Variants in ANKHD1 observed in about 807,000 individuals in gnomAD.
ANKHD1 encodes the protein ankyrin repeat and KH domain containing 1.
In ANKHD1, 31 loss-of-function variants were observed where a neutral mutation model predicts 230.5. The ratio of observed to expected loss-of-function variants is 0.13; its 90% CI spans 0.10 to 0.18. The LOEUF (loss-of-function observed/expected upper bound fraction) is 0.18. Ranked by LOEUF, ANKHD1 falls within the 10% of genes least tolerant of loss-of-function variation. ANKHD1 has a pLI of 1.00. For missense variants in ANKHD1, 2,256 were observed against 3,071.3 expected (o/e 0.73, Z 6.27); for synonymous variants, 1,074 against 1,117.6 (o/e 0.96, Z 0.78).
At position 140,403,530 on chromosome 5, in the gene ANKHD1, G is replaced by A. The variant is rs189357026; in HGVS notation, c.306+1257G>A. Among the ~76,000 whole-genome samples the A allele has an allele frequency of 2.4e-3, 372 of 152,122 alleles. 3 individuals carry two copies. Among genetic ancestry groups the A allele is most frequent in the African/African-American group, 8.7e-3 (361 of 41,484 alleles). On this transcript the variant is annotated intron_variant, in intron 1 of 33. Transcript: ENST00000360839. Reference sequence around the variant, plus strand: ...GGGTTCAAGCGATTCCCCTGCCTTAGCCTCCTGAGTAGCTGGGACTACAGG... The same window carrying A: ...GGGTTCAAGCGATTCCCCTGCCTTAACCTCCTGAGTAGCTGGGACTACAGG...
chr5:140,455,203 GA>G (rs1339031940), intron 7 of ANKHD1, among the ~76,000 whole-genome samples: 1 of 152,126 alleles, frequency 6.6e-6, no homozygotes, highest in East Asian at 1.9e-4. Context: ...AACAGGCTCT[GA>G]AATTGAGGCA....
At chr5:140,483,864 A>G (rs1751394493) in intron 11 of ANKHD1, among the ~76,000 whole-genome samples, 1 of 152,172 alleles carries the variant, frequency 6.6e-6, no homozygotes, top group African/African-American at 2.4e-5. Flanking sequence ...TCTTTACATA[A>G]TATAGTCTGT....
At chr5:140,497,877 C>CCACACACACACACACACACACA in intron 15 of ANKHD1, among the ~76,000 whole-genome samples, 1 of 144,608 alleles carries the variant, frequency 6.9e-6, no homozygotes, top group South Asian at 2.2e-4. Flanking sequence ...CCACACCACA[C>CCACACACACACACACACACACA]CACACACACA....
chr5:140,509,912 A>C, intron 21 of ANKHD1, 100 bp downstream of exon 21: 1 of 1,543,528 alleles, frequency 6.5e-7, no homozygotes, highest in Non-Finnish European at 8.7e-7. Flanking sequence ...GATATTGTTA[A>C]GAAAAGATTA....
At chr5:140,535,088 C>T (rs1362980007) in intron 29 of ANKHD1, among the ~76,000 whole-genome samples, 1 of 152,130 alleles carries the variant, frequency 6.6e-6, no homozygotes, top group Non-Finnish European at 1.5e-5. Context: ...AACATTACTC[C>T]AGGTGACTGA....
chr5:140,479,368 T>A lies in ANKHD1; in HGVS notation c.1783-3212T>A, dbSNP rs1210905354. On this transcript the variant is annotated intron_variant, in intron 10 of 33. Transcript: ENST00000360839. ...AAAAGAAACATTAAACTGCATGATA[T>A]TTAAGTTTGTAGCCTTGGAAAATAA... 3.9e-5 allele frequency among the ~76,000 whole-genome samples: 6 copies of A among 152,232 alleles called. 1 individual carries two copies. Among genetic ancestry groups the A allele is most frequent in the Admixed American group, 3.9e-4 (6 of 15,288 alleles).
At position 140,459,363 on chromosome 5, in the gene ANKHD1, G is replaced by T. The variant is rs1032388934; in HGVS notation, c.1672+8G>T. 8 of 1,538,938 alleles carry T rather than the reference G, an allele frequency of 5.2e-6. No individual in the cohort carries two copies. The highest frequency in any genetic ancestry group is 1.9e-5 in the Admixed American group (1 of 54,044). On this transcript the variant is annotated splice_region_variant and intron_variant, in intron 9 of 33. Transcript: ENST00000360839. ...AATATTTGCTGGCTTCTGGTATGTG[G>T]CTTTAAGATGCCTTATTGCTCAGAA...
chr5:140,451,874 C>T (rs1221122945), intron 7 of ANKHD1, among the ~76,000 whole-genome samples: 1 of 152,068 alleles, frequency 6.6e-6, no homozygotes, highest in Non-Finnish European at 1.5e-5. Flanking sequence ...TCATTTGCAA[C>T]ATTATGGTCA....
intron 7 of ANKHD1, among the ~76,000 whole-genome samples, chr5:140,455,835 A>G (rs562431586): frequency 1.8e-4 from 28 of 152,330 alleles, no homozygotes; most frequent in Non-Finnish European, 3.8e-4. Context: ...CACCACTCCT[A>G]TTCAACATAG....
chr5:140,402,383 C>G, intron 1 of ANKHD1, 110 bp downstream of exon 1: 1 of 1,350,554 alleles, frequency 7.4e-7, no homozygotes, highest in Non-Finnish European at 9.5e-7. Flanking sequence ...CCTTCTGTGA[C>G]AGCGGTCGGC....
chr5:140,417,833 C>CTTTTT (rs35322010), intron 1 of ANKHD1, among the ~76,000 whole-genome samples: 7 of 106,782 alleles, frequency 6.6e-5, no homozygotes, highest in Non-Finnish European at 7.2e-5. Context: ...CCCATATAGT[C>CTTTTT]TTTTTTTTTT....
chr5:140,480,166 G>T (rs1015826296), intron 10 of ANKHD1, among the ~76,000 whole-genome samples: 2 of 151,798 alleles, frequency 1.3e-5, no homozygotes, highest in Admixed American at 6.6e-5. Context: ...TTGTGGCATT[G>T]TTTTATCAAC....
chr5:140,443,251 C>T (rs1212762497), intron 5 of ANKHD1, among the ~76,000 whole-genome samples: 1 of 152,054 alleles, frequency 6.6e-6, no homozygotes, highest in South Asian at 2.1e-4. Context: ...TGTAATATTT[C>T]CTTGAATTGA....
In ANKHD1 at chr5:140,526,217, A is replaced by G; in HGVS notation, c.4714A>G (p.Lys1572Glu). The G allele has an allele frequency of 1.9e-6, 3 of 1,614,176 alleles. No homozygotes were observed. Among genetic ancestry groups the G allele is most frequent in the Non-Finnish European group, 2.5e-6 (3 of 1,180,034 alleles). Residue 1572 changes from lysine (K) to glutamate (E), a missense_variant, in exon 26 of 34, where the codon AAG becomes GAG. By Grantham distance (56) the Lys-to-Glu change is moderately conservative. Around this residue, in one of 13 missense-constraint regions of ANKHD1, gnomAD observed 212 missense variants for 257.3 expected, o/e 0.82. Coordinates refer to ENST00000360839, the MANE Select transcript of ANKHD1 (RefSeq NM_017747.3). ...ACAACATATGTCTTTAGCCCAACAA[A>G]AGGCAGATAAAAATAAAATAAATGG... ...PEQHMSLAQQ[K>E]ADKNKINGEP...
chr5:140,495,355 C>G (rs1751982714), intron 14 of ANKHD1, among the ~76,000 whole-genome samples: 1 of 151,808 alleles, frequency 6.6e-6, no homozygotes, highest in Non-Finnish European at 1.5e-5. Flanking sequence ...ACGCCATTCT[C>G]CTGCCTCAGC....
intron 7 of ANKHD1, 142 bp downstream of exon 7, chr5:140,449,447 A>C: frequency 1.1e-6 from 1 of 916,022 alleles, no homozygotes; most frequent in Non-Finnish European, 1.6e-6. Flanking sequence ...GGCGGATCAC[A>C]TGGTCAGGAG....
In ANKHD1 at chr5:140,526,050, G is replaced by T. The variant is rs771434286; in HGVS notation, c.4547G>T (p.Gly1516Val). Residue 1516 changes from glycine (G) to valine (V), a missense_variant, in exon 26 of 34, where the codon GGA becomes GTA. Gly to Val is a moderately radical substitution (Grantham distance 109). Transcript: ENST00000360839. ...AGTGCAACCACCACCACTACGATTG[G>T]AATCTCTGCAACATCTGCAACATTC... Reference protein sequence around the residue: ...PPSATTTTTIGISATSATFTN... With the variant: ...PPSATTTTTIVISATSATFTN... The T allele has an allele frequency of 6.2e-7, 1 of 1,610,186 alleles. No homozygotes were observed. Among genetic ancestry groups the T allele is most frequent in the Non-Finnish European group, 8.5e-7 (1 of 1,179,032 alleles).
chr5:140,513,044 G>A (rs1752835747), intron 23 of ANKHD1, 121 bp downstream of exon 23: 21 of 975,878 alleles, frequency 2.2e-5, no homozygotes, highest in Middle Eastern at 2.3e-4. Flanking sequence ...CTCTTTATGC[G>A]TTTGTTTCTC....
chr5:140,497,447 A>G (rs538818318), intron 15 of ANKHD1, among the ~76,000 whole-genome samples, 169 bp downstream of exon 15: 1 of 152,356 alleles, frequency 6.6e-6, no homozygotes, highest in South Asian at 2.1e-4. Context: ...AATAGCACTA[A>G]CACACAAAAG....
Sources: allele counts gnomAD v4.1 joint callset (sites outside exome capture counted in the v4.1 genomes callset), GRCh38; gene constraint gnomAD v4.1.1; regional missense constraint gnomAD v4.1.1; transcripts MANE v1.5; gene names NCBI Gene and HGNC (gene_info 2026-07-23, HGNC 2026-07-21).